MYOF: variants seen among roughly 807,000 people sequenced by gnomAD.
MYOF encodes myoferlin.
A neutral mutation model predicts 284.2 loss-of-function variants in MYOF; 244 were observed. That is an observed-to-expected ratio of 0.86 (90% confidence interval 0.77 to 0.95). The LOEUF is 0.95. Among genes scored for constraint, MYOF ranks in the 40% least tolerant of loss-of-function variants. The pLI is 0.00. For missense variants in MYOF, 2,496 were observed against 2,560.6 expected (o/e 0.97, Z 0.54); for synonymous variants, 904 against 919.7 (o/e 0.98, Z 0.31).
At chr10:93,406,314 A>ATATATATATT (rs1847582454) in intron 7 of MYOF, among the ~76,000 whole-genome samples, 1 of 116,178 alleles carries the variant, frequency 8.6e-6, no homozygotes, top group Non-Finnish European at 1.9e-5. Context: ...ATATATATAT[A>ATATATATATT]TATTTGTTTT....
At chr10:93,455,818 A>T (rs988361647) in intron 2 of MYOF, among the ~76,000 whole-genome samples, 1 of 152,220 alleles carries the variant, frequency 6.6e-6, no homozygotes, top group East Asian at 1.9e-4. Context: ...GCTCTTGTCC[A>T]GGGAGGTTTG....
chr10:93,381,449 T>A (rs893298764), intron 19 of MYOF, 53 bp from the exon 20 acceptor site: 1 of 1,572,912 alleles, frequency 6.4e-7, no homozygotes, highest in African/African-American at 1.4e-5. Flanking sequence ...TGTTCTTATT[T>A]ACATGTGGAT....
chr10:93,330,213 G>A (rs147895184), intron 43 of MYOF, among the ~76,000 whole-genome samples: 83 of 152,232 alleles, frequency 5.5e-4, no homozygotes, highest in African/African-American at 2.0e-3. Context: ...AATATTTAGA[G>A]AGCATCTGAC....
At chr10:93,421,534 G>A (rs747790469) in intron 5 of MYOF, among the ~76,000 whole-genome samples, 13 of 152,198 alleles carry the variant, frequency 8.5e-5, no homozygotes, top group Non-Finnish European at 1.5e-4. Flanking sequence ...GTTGGAGGTG[G>A]GGCCTACTGG....
chr10:93,373,876 T>TA (rs2133973994), intron 23 of MYOF, among the ~76,000 whole-genome samples: 1 of 152,312 alleles, frequency 6.6e-6, no homozygotes, highest in African/African-American at 2.4e-5. Flanking sequence ...CATTTTTTTT[T>TA]ATACTTTAAG....
At chr10:93,414,913 T>G (rs974206212) in intron 5 of MYOF, among the ~76,000 whole-genome samples, 1 of 152,040 alleles carries the variant, frequency 6.6e-6, no homozygotes, top group African/African-American at 2.4e-5. Flanking sequence ...CCTGCTAATT[T>G]TTGTATTTTT....
chr10:93,309,916 G>T, intron 53 of MYOF, 104 bp downstream of exon 53: 2 of 1,405,624 alleles, frequency 1.4e-6, no homozygotes, highest in South Asian at 1.3e-5. Context: ...CCATGCTGCT[G>T]AGCGGGTCAT....
intron 5 of MYOF, among the ~76,000 whole-genome samples, chr10:93,414,659 G>A (rs907035121): frequency 2.6e-5 from 4 of 152,204 alleles, no homozygotes; most frequent in African/African-American, 4.8e-5. Context: ...GTTCCATATA[G>A]ACATGCATTT....
intron 51 of MYOF, among the ~76,000 whole-genome samples, chr10:93,311,490 G>A (rs1468817526): frequency 2.0e-5 from 3 of 151,076 alleles, no homozygotes; most frequent in East Asian, 2.0e-4. Flanking sequence ...GCATGGTGGC[G>A]TGCGCCTGTA....
rs146879928 is a variant in MYOF at position 93,323,699 on chromosome 10, GCA to G, written c.5272-343_5272-342del. ...ATCCCACAGGCAGGCACACGCACGT[GCA>G]CACACACACACACGCGCGTGCGCGC... On this transcript the variant is annotated intron_variant, in intron 46 of 53. Coordinates refer to ENST00000359263, the MANE Select transcript of MYOF (RefSeq NM_013451.4). 1,124 of 275,688 alleles carry G rather than the reference GCA, an allele frequency of 4.1e-3. 1 individual carries two copies. Among genetic ancestry groups the G allele is most frequent in the East Asian group, 5.8e-3 (84 of 14,382 alleles). The allele number at this position is 275,688 out of a possible 1,614,324, so 17.1% of individuals were successfully genotyped here. A position where few individuals can be genotyped will look rare whatever the true frequency, so the allele number is the denominator to read the frequency against.
Position 93,306,906 on chromosome 10 carries a change from A to G in MYOF, c.*57T>C. On this transcript the variant is annotated 3_prime_UTR_variant, in exon 54 of 54. Transcript: ENST00000359263. Reference sequence around the variant, plus strand: ...ACAAAATCACACTGGATGTTGGTCTACAGAGGCAGGATTCTCTCATTGCTG... The same window carrying G: ...ACAAAATCACACTGGATGTTGGTCTGCAGAGGCAGGATTCTCTCATTGCTG... 2 of 1,561,664 alleles carry G rather than the reference A, an allele frequency of 1.3e-6. No individual in the cohort carries two copies. The highest frequency in any genetic ancestry group is 1.8e-6 in the Non-Finnish European group (2 of 1,132,990).
Position 93,341,805 on chromosome 10 carries a change from T to C in MYOF, c.4327-1641A>G, listed in dbSNP as rs1843931060. The C allele has an allele frequency of 4.3e-5, 30 of 691,812 alleles. No homozygotes were observed. In the South Asian group the frequency reaches 5.4e-4, roughly 12 times the overall value. The allele number at this position is 691,812 out of a possible 1,614,324, so 42.9% of individuals were successfully genotyped here. On this transcript the variant is annotated intron_variant, in intron 38 of 53. Coordinates refer to ENST00000359263, the MANE Select transcript of MYOF (RefSeq NM_013451.4). ...ACAATCACGTTTGTTTAAAGATCAC[T>C]TTTCACTCCAAAATCTACTAATGGA...
At chr10:93,355,810 A>G in intron 30 of MYOF, 74 bp from the exon 31 acceptor site, 1 of 1,039,146 alleles carries the variant, frequency 9.6e-7, no homozygotes, top group Non-Finnish European at 1.5e-6. Context: ...ACCAACCAAG[A>G]GGCAAGAATA....
chr10:93,379,690 T>C (rs1042021809), intron 21 of MYOF, among the ~76,000 whole-genome samples, 173 bp downstream of exon 21: 2 of 152,188 alleles, frequency 1.3e-5, no homozygotes, highest in African/African-American at 4.8e-5. Context: ...CCAATACCAC[T>C]GAACCTCCAT....
rs1029176065 is a variant in MYOF at position 93,332,610 on chromosome 10, G to C, written c.4811+611C>G. ...CCTGTAATCCCAGCACTTTGGGAGG[G>C]CGAGGCGGGCAGATCACAAGGTCAG... On this transcript the variant is annotated intron_variant, in intron 43 of 53. Transcript: ENST00000359263. Among the ~76,000 whole-genome samples, 8 of 151,880 alleles carry C rather than the reference G, an allele frequency of 5.3e-5. No homozygotes were observed. In the South Asian group the frequency reaches 1.5e-3, roughly 28 times the overall value.
In MYOF at chr10:93,378,717, G is replaced by GTATA. The variant is rs1262928506; in HGVS notation, c.2001+1142_2001+1145dup. Among the ~76,000 whole-genome samples the GTATA allele has an allele frequency of 9.6e-5, 4 of 41,864 alleles. No individual in the cohort carries two copies. In the East Asian group the frequency reaches 7.5e-3, roughly 79 times the overall value. The allele number at this position is 41,864 out of a possible 152,430, so 27.5% of individuals were successfully genotyped here. On this transcript the variant is annotated intron_variant, in intron 21 of 53. Coordinates refer to ENST00000359263, the MANE Select transcript of MYOF (RefSeq NM_013451.4). ...TGTATATATATATATATATATATAT[G>GTATA]TATATATTTATCTTTTTAGACAGAG...
chr10:93,398,787 T>G (rs766780036), intron 13 of MYOF, among the ~76,000 whole-genome samples: 1 of 152,228 alleles, frequency 6.6e-6, no homozygotes, highest in Non-Finnish European at 1.5e-5. Context: ...ATGCTAGTTC[T>G]TTTTGTCTAT....
chr10:93,310,548 C>G lies in MYOF; in HGVS notation c.5985G>C (p.Lys1995Asn). 6.2e-7 allele frequency: 1 copy of G among 1,614,130 alleles called. No individual in the cohort carries two copies. The highest frequency in any genetic ancestry group is 8.5e-7 in the Non-Finnish European group (1 of 1,180,006). Residue 1995 changes from lysine to asparagine, a missense_variant, in exon 52 of 54, where the codon AAG becomes AAC. Physicochemically the swap from Lys to Asn is moderately conservative, Grantham distance 94. This residue lies in a region of MYOF where 2,436 missense variants were observed against 2,480.7 expected (regional missense o/e 0.98). Coordinates refer to ENST00000359263, the MANE Select transcript of MYOF (RefSeq NM_013451.4). ...KGRDEPNMNP[K>N]LDLPNRPETS... Reference sequence around the variant, plus strand: ...AGGCCTCTCACTTTGGTAAGTCCAGCTTGGGGTTCATGTTGGGTTCGTCCC... The same window carrying G: ...AGGCCTCTCACTTTGGTAAGTCCAGGTTGGGGTTCATGTTGGGTTCGTCCC...
chr10:93,393,146 C>A (rs1846784302), intron 16 of MYOF, among the ~76,000 whole-genome samples, 191 bp from the exon 17 acceptor site: 1 of 152,158 alleles, frequency 6.6e-6, no homozygotes, highest in South Asian at 2.1e-4. Context: ...GCAAAATGAC[C>A]CGGGCAGAAC....
Sources: gnomAD v4.1 joint callset for allele counts (sites outside exome capture counted in the v4.1 genomes callset) on GRCh38, gnomAD v4.1.1 for gene constraint, gnomAD v4.1.1 regional missense constraint, MANE v1.5 for transcripts, NCBI Gene and HGNC (gene_info 2026-07-23, HGNC 2026-07-21) for gene names.